PPARA: variants seen among roughly 807,000 people sequenced by gnomAD.
The protein encoded by PPARA is peroxisome proliferator activated receptor alpha, also known as peroxisome proliferator-activated receptor alpha.
A neutral mutation model predicts 42.2 loss-of-function variants in PPARA; 22 were observed. That is an observed-to-expected ratio of 0.52 (90% CI 0.37 to 0.74). The LOEUF is 0.74. PPARA is among the 30% of genes least tolerant of loss of function. PPARA has a pLI of 0.00. For missense variants in PPARA, 465 were observed against 608.2 expected, an observed-to-expected ratio of 0.76 and a Z score of 2.48; for synonymous variants, 242 against 239.3, an observed-to-expected ratio of 1.01 and a Z score of -0.10.
At chr22:46,169,526 G>A (rs140178880) in intron 2 of PPARA, among the ~76,000 whole-genome samples, 162 of 151,946 alleles carry the variant, frequency 1.1e-3, no homozygotes, top group African/African-American at 3.9e-3. Context: ...GAGCCATCAC[G>A]CCCGGCCACC....
intron 4 of PPARA, among the ~76,000 whole-genome samples, chr22:46,201,617 C>T (rs1387690503): frequency 1.6e-4 from 25 of 152,104 alleles, no homozygotes; most frequent in Admixed American, 1.6e-3. Context: ...GTTTCCTGAG[C>T]ACTGCAGGCT....
At position 46,182,784 on chromosome 22, in the gene PPARA, G is replaced by A. The variant is rs558001373; in HGVS notation, c.-43+5948G>A. 1.4e-4 allele frequency among the ~76,000 whole-genome samples: 22 copies of A among 152,090 alleles called. No individual in the cohort carries two copies. Among genetic ancestry groups the A allele is most frequent in the Non-Finnish European group, 2.5e-4 (17 of 67,990 alleles). On this transcript the variant is annotated intron_variant, in intron 3 of 8. Transcript: ENST00000407236. The surrounding 1 kb of genome is among the most constrained non-coding windows in gnomAD (Gnocchi z 5.2). Reference sequence around the variant, plus strand: ...TTTTGAGACAGAGTCTCGCTCCATCGTCCAGGCTGGAGTGCAATGGCACCG... The same window carrying A: ...TTTTGAGACAGAGTCTCGCTCCATCATCCAGGCTGGAGTGCAATGGCACCG...
In PPARA at chr22:46,198,420, C is replaced by A. The variant is rs1393621239; in HGVS notation, c.37C>A (p.Pro13Thr). 3.7e-6 allele frequency: 6 copies of A among 1,613,880 alleles called. No homozygotes were observed. Among genetic ancestry groups the A allele is most frequent in the Non-Finnish European group, 4.2e-6 (5 of 1,179,922 alleles). Reference sequence around the variant, plus strand: ...GGAAAGCCCACTCTGCCCCCTCTCCCCACTCGAGGCCGGCGATCTAGAGAG... The same window carrying A: ...GGAAAGCCCACTCTGCCCCCTCTCCACACTCGAGGCCGGCGATCTAGAGAG... ...DTESPLCPLS[P>T]LEAGDLESPL... The change falls in exon 4 of 9, where the codon CCA (proline) becomes ACA (threonine). Residue 13 changes from proline (P) to threonine (T), a missense_variant. Coordinates refer to ENST00000407236, the MANE Select transcript of PPARA (RefSeq NM_005036.6).
chr22:46,151,111 G>A (rs1924349102), intron 1 of PPARA: 1 of 152,248 alleles, frequency 6.6e-6, no homozygotes, highest in African/African-American at 2.4e-5. Context: ...GACTCAGAAG[G>A]TGCTTTCCGA....
chr22:46,226,770 G>A (rs1461965356), intron 7 of PPARA, among the ~76,000 whole-genome samples: 1 of 152,148 alleles, frequency 6.6e-6, no homozygotes, highest in Admixed American at 6.5e-5. Flanking sequence ...CCGCTCAGGA[G>A]GCCGAGGCAG....
rs564117722 is a variant in PPARA, at chr22:46,223,961, A to G, written c.711+3947A>G. 2.2e-4 allele frequency among the ~76,000 whole-genome samples: 34 copies of G among 152,108 alleles called. 1 individual carries two copies. In the South Asian group the frequency reaches 6.0e-3, roughly 27 times the overall value. The stretch of plus-strand genomic sequence containing the variant: ...TGAGACTCCATCTCAAAAAAAAAAA[A>G]AAAGAAAGAAATGATAGATGAATAG... On this transcript the variant is annotated intron_variant, in intron 7 of 8. Coordinates refer to ENST00000407236, the MANE Select transcript of PPARA (RefSeq NM_005036.6).
chr22:46,163,435 C>T lies in PPARA; in HGVS notation c.-127+11465C>T, dbSNP rs1926521108. 1 of 152,214 alleles carries T rather than the reference C, an allele frequency of 6.6e-6. No homozygotes were observed. The highest frequency in any genetic ancestry group is 1.5e-5 in the Non-Finnish European group (1 of 68,042). 9.4% of individuals were successfully genotyped at this position (152,214 alleles called of 1,614,324 possible). ...ACTGCCTGCTTAGTTGTGGCTTCAG[C>T]CTTTGCTCCGTCACTGATAGTTCTA... On this transcript the variant is annotated intron_variant, in intron 2 of 8. Coordinates refer to ENST00000407236, the MANE Select transcript of PPARA (RefSeq NM_005036.6). This position sits in a 1 kb window ranked among gnomAD's most constrained non-coding sequence, Gnocchi z 4.9.
chr22:46,182,091 C>T lies in PPARA; in HGVS notation c.-43+5255C>T, dbSNP rs1170361156. ...GAACTCCTGACCTCAGACAGTCTGC[C>T]TGCCTTGGCCTCCCAAAGTGCTGGG... On this transcript the variant is annotated intron_variant, in intron 3 of 8. Transcript: ENST00000407236. The surrounding 1 kb of genome is among the most constrained non-coding windows in gnomAD (Gnocchi z 5.2). Among the ~76,000 whole-genome samples the T allele has an allele frequency of 6.6e-6, 1 of 152,216 alleles. No homozygotes were observed. The highest frequency in any genetic ancestry group is 1.5e-5 in the Non-Finnish European group (1 of 68,044).
chr22:46,200,315 A>G lies in PPARA; in HGVS notation c.208+1724A>G, dbSNP rs1932780814. ...CCTTAGGTGATTTCATCATTGTGTG[A>G]AAGTCATAGAGTACACTTAAACCCA... On this transcript the variant is annotated intron_variant, in intron 4 of 8. Coordinates refer to ENST00000407236, the MANE Select transcript of PPARA (RefSeq NM_005036.6). The surrounding 1 kb of genome is among the most constrained non-coding windows in gnomAD (Gnocchi z 4.8). Among the ~76,000 whole-genome samples the G allele has an allele frequency of 6.6e-6, 1 of 152,230 alleles. No individual in the cohort carries two copies. The highest frequency in any genetic ancestry group is 6.5e-5 in the Admixed American group (1 of 15,278).
At chr22:46,217,992 G>A (rs1019205906) in intron 5 of PPARA, among the ~76,000 whole-genome samples, 36 of 151,454 alleles carry the variant, frequency 2.4e-4, no homozygotes, top group African/African-American at 7.3e-4. Context: ...CACCATGCCC[G>A]GCTAATTTTT....
chr22:46,214,244 G>A (rs1441616124), intron 4 of PPARA, among the ~76,000 whole-genome samples: 7 of 152,184 alleles, frequency 4.6e-5, no homozygotes, highest in African/African-American at 1.7e-4. Flanking sequence ...GGCAAGGCGC[G>A]GGCCCATAGA....
intron 4 of PPARA, among the ~76,000 whole-genome samples, chr22:46,205,544 ATATATATATATTTTTTTTTTT>A (rs1263151635): frequency 6.6e-5 from 2 of 30,290 alleles, no homozygotes; most frequent in African/African-American, 3.4e-4. Flanking sequence ...ATATATATAT[ATATATATATATTTTTTTTTTT>A]TTTTTTTTTT....
rs2147343011 is a variant in PPARA, at chr22:46,193,297, C to T, written c.-42-5045C>T. 6.6e-6 allele frequency among the ~76,000 whole-genome samples: 1 copy of T among 152,294 alleles called. No individual in the cohort carries two copies. The highest frequency in any genetic ancestry group is 1.9e-4 in the East Asian group (1 of 5,184). On this transcript the variant is annotated intron_variant, in intron 3 of 8. Coordinates refer to ENST00000407236, the MANE Select transcript of PPARA (RefSeq NM_005036.6). This position sits in a 1 kb window ranked among gnomAD's most constrained non-coding sequence, Gnocchi z 5.3. ...GAACAGGCTGGTCTCAAACTCCTGACCTCAAGTGATCCACTCGCCTTGGCC... is the reference window on the plus strand; with the variant it reads ...GAACAGGCTGGTCTCAAACTCCTGATCTCAAGTGATCCACTCGCCTTGGCC...
In PPARA at chr22:46,203,385, T is replaced by C. The variant is rs1932948419; in HGVS notation, c.208+4794T>C. Among the ~76,000 whole-genome samples, 1 of 152,172 alleles carries C rather than the reference T, an allele frequency of 6.6e-6. No homozygotes were observed. The highest frequency in any genetic ancestry group is 2.4e-5 in the African/African-American group (1 of 41,426). ...GCTGGTTCACTCGGCCAAAGTACCATTTTATCTCTGCTTTTTCTTCCCGGC... is the reference window on the plus strand; with the variant it reads ...GCTGGTTCACTCGGCCAAAGTACCACTTTATCTCTGCTTTTTCTTCCCGGC... On this transcript the variant is annotated intron_variant, in intron 4 of 8. Transcript: ENST00000407236. This position sits in a 1 kb window ranked among gnomAD's most constrained non-coding sequence, Gnocchi z 5.8.
At position 46,195,615 on chromosome 22, in the gene PPARA, C is replaced by T. The variant is rs1169703871; in HGVS notation, c.-42-2727C>T. 6.6e-6 allele frequency among the ~76,000 whole-genome samples: 1 copy of T among 152,214 alleles called. No individual in the cohort carries two copies. Among genetic ancestry groups the T allele is most frequent in the East Asian group, 1.9e-4 (1 of 5,204 alleles). ...GTAGAAGAAGCCAAAACATCCCTTC[C>T]TCACCGCACTAAAAGCTGTTGTTTA... On this transcript the variant is annotated intron_variant, in intron 3 of 8. Coordinates refer to ENST00000407236, the MANE Select transcript of PPARA (RefSeq NM_005036.6). The surrounding 1 kb of genome is among the most constrained non-coding windows in gnomAD (Gnocchi z 4.6).
Position 46,235,680 on chromosome 22 carries a change from A to G in PPARA, c.*300A>G, listed in dbSNP as rs1936169137. On this transcript the variant is annotated 3_prime_UTR_variant, in exon 9 of 9. Transcript: ENST00000407236. This position sits in a 1 kb window ranked among gnomAD's most constrained non-coding sequence, Gnocchi z 7.0. Reference sequence around the variant, plus strand: ...GATGTTAATCAATGCACATTGCTTTAGATCACATTCGTGATTTACCATTTA... The same window carrying G: ...GATGTTAATCAATGCACATTGCTTTGGATCACATTCGTGATTTACCATTTA... 2.4e-6 allele frequency: 1 copy of G among 410,316 alleles called. No homozygotes were observed. Among genetic ancestry groups the G allele is most frequent in the African/African-American group, 2.0e-5 (1 of 49,580 alleles). The allele number at this position is 410,316 out of a possible 1,614,324, so 25.4% of individuals were successfully genotyped here.
At chr22:46,218,844 A>G (rs963550329) in intron 6 of PPARA, among the ~76,000 whole-genome samples, 24 of 140,772 alleles carry the variant, frequency 1.7e-4, no homozygotes, top group Non-Finnish European at 3.5e-4. Context: ...ACAAAAAAAA[A>G]AAAAAGAAAA....
In PPARA at chr22:46,233,822, T is replaced by C. The variant is rs1936045358; in HGVS notation, c.1160-1311T>C. 6.6e-6 allele frequency among the ~76,000 whole-genome samples: 1 copy of C among 151,142 alleles called. No homozygotes were observed. The highest frequency in any genetic ancestry group is 2.1e-4 in the South Asian group (1 of 4,798). ...GGGGGATTTCTATTTTTCAAAAGAT[T>C]CCTCCTTTTTTTTTTTTTTGAGACA... On this transcript the variant is annotated intron_variant, in intron 8 of 8. Coordinates refer to ENST00000407236, the MANE Select transcript of PPARA (RefSeq NM_005036.6). This position sits in a 1 kb window ranked among gnomAD's most constrained non-coding sequence, Gnocchi z 7.3.
chr22:46,151,461 G>A (rs1027266006), intron 1 of PPARA, among the ~76,000 whole-genome samples: 1 of 152,254 alleles, frequency 6.6e-6, no homozygotes, highest in Non-Finnish European at 1.5e-5. Context: ...TGGAAGTCAG[G>A]AGGGTCGGCC....
Sources: allele counts gnomAD v4.1 joint callset (sites outside exome capture counted in the v4.1 genomes callset), GRCh38; gene constraint gnomAD v4.1.1; non-coding constraint Gnocchi (gnomAD v3.1); transcripts MANE v1.5; gene names NCBI Gene and HGNC (gene_info 2026-07-23, HGNC 2026-07-21).